Variants in TBC1D22A observed in about 807,000 individuals in gnomAD.
The protein encoded by TBC1D22A is TBC1 domain family member 22A, also known as putative GTPase activator.
A neutral mutation model predicts 60.2 loss-of-function variants in TBC1D22A; 38 were observed. The ratio of observed to expected loss-of-function variants is 0.63; its 90% CI spans 0.49 to 0.83. The LOEUF is 0.83. Among genes scored for constraint, TBC1D22A ranks in the 40% least tolerant of loss-of-function variants. TBC1D22A has a pLI of 0.00. For missense variants in TBC1D22A, 628 were observed against 701.0 expected (o/e 0.90, Z 1.18); for synonymous variants, 302 against 281.7 (o/e 1.07, Z -0.72).
At chr22:46,946,916 G>A (rs998167881) in intron 8 of TBC1D22A, among the ~76,000 whole-genome samples, 3 of 152,194 alleles carry the variant, frequency 2.0e-5, no homozygotes, top group African/African-American at 4.8e-5. Context: ...GTTTTAGGGA[G>A]AGATTTAAGC....
chr22:46,826,688 C>T (rs76028411), intron 4 of TBC1D22A, among the ~76,000 whole-genome samples: 2,531 of 152,132 alleles, frequency 0.017, 68 homozygotes, highest in African/African-American at 0.058. Flanking sequence ...GAGACTGTCC[C>T]GGAGCTTGCT....
intron 7 of TBC1D22A, among the ~76,000 whole-genome samples, chr22:46,897,807 T>C (rs2068767358): frequency 6.6e-6 from 1 of 152,170 alleles, no homozygotes; most frequent in Admixed American, 6.5e-5. Context: ...TCTTTAAAGC[T>C]GAAATTTTTA....
intron 4 of TBC1D22A, among the ~76,000 whole-genome samples, chr22:46,801,468 G>A (rs1486673581): frequency 6.6e-6 from 1 of 152,240 alleles, no homozygotes; most frequent in Non-Finnish European, 1.5e-5. Context: ...TTATGAGCCT[G>A]GGGATGAAAG....
intron 11 of TBC1D22A, among the ~76,000 whole-genome samples, chr22:47,057,055 A>G (rs1211434778): frequency 6.6e-6 from 1 of 152,068 alleles, no homozygotes; most frequent in Non-Finnish European, 1.5e-5. Flanking sequence ...CAGGTGCCTG[A>G]CCCTGCCTTA....
intron 7 of TBC1D22A, among the ~76,000 whole-genome samples, chr22:46,910,727 A>G (rs2147774814): frequency 6.6e-6 from 1 of 152,196 alleles, no homozygotes; most frequent in South Asian, 2.1e-4. Flanking sequence ...CAGAGTCTTC[A>G]CGGAGGGAGT....
At chr22:46,914,030 ACACACATG>A (rs1393655005) in intron 8 of TBC1D22A, 1 of 153,094 alleles carries the variant, frequency 6.5e-6, no homozygotes, top group Non-Finnish European at 1.5e-5. Flanking sequence ...GCACATGCAC[ACACACATG>A]CACACATCAG....
chr22:46,763,553 G>A (rs1049525628), intron 1 of TBC1D22A, among the ~76,000 whole-genome samples: 1 of 151,892 alleles, frequency 6.6e-6, no homozygotes, highest in African/African-American at 2.4e-5. Flanking sequence ...TACGTGGAGG[G>A]TACCTAGGAT....
At chr22:46,997,784 C>A in intron 10 of TBC1D22A, 75 bp downstream of exon 10, 1 of 1,386,378 alleles carries the variant, frequency 7.2e-7, no homozygotes, top group Non-Finnish European at 1.0e-6. Flanking sequence ...GGACAGGGAG[C>A]TGTCCTCATC....
chr22:46,881,905 A>C (rs967750129), intron 5 of TBC1D22A, among the ~76,000 whole-genome samples: 19 of 152,148 alleles, frequency 1.2e-4, no homozygotes, highest in African/African-American at 4.6e-4. Context: ...GTAAGAGGAG[A>C]GATCTGGGAG....
intron 12 of TBC1D22A, among the ~76,000 whole-genome samples, chr22:47,121,083 G>T (rs1331139478): frequency 6.6e-6 from 1 of 152,198 alleles, no homozygotes; most frequent in African/African-American, 2.4e-5. Flanking sequence ...ATAGAAAATG[G>T]ATGAGGACAA....
chr22:46,797,511 G>C lies in TBC1D22A; in HGVS notation c.528G>C (p.Leu176=), dbSNP rs1268615894. The C allele has an allele frequency of 6.2e-7, 1 of 1,614,068 alleles. No individual in the cohort carries two copies. Among genetic ancestry groups the C allele is most frequent in the South Asian group, 1.1e-5 (1 of 91,078 alleles). ...TCCCACACTCGGCCACCGTCACGCT[G>C]GGTGGCACATCTGACCCCAGCACTC... ...QSLPHSATVT[L]GGTSDPSTLS... is the part of the protein sequence containing the mutation. The change falls in exon 4 of 13, where the codon CTG becomes CTC. Residue 176 remains leucine, a synonymous_variant. Coordinates refer to ENST00000337137, the MANE Select transcript of TBC1D22A (RefSeq NM_014346.5).
intron 12 of TBC1D22A, among the ~76,000 whole-genome samples, chr22:47,128,015 CA>C (rs2066533444): frequency 1.1e-5 from 1 of 93,048 alleles, no homozygotes; most frequent in African/African-American, 4.4e-5. Context: ...CCCATCCCCC[CA>C]TCCTCCCTCC....
At chr22:47,165,650 G>A (rs1035065382) in intron 12 of TBC1D22A, among the ~76,000 whole-genome samples, 1 of 152,130 alleles carries the variant, frequency 6.6e-6, no homozygotes, top group African/African-American at 2.4e-5. Context: ...ATGCCTCCTG[G>A]GACAAGTTGC....
intron 8 of TBC1D22A, among the ~76,000 whole-genome samples, chr22:46,960,954 C>CA (rs397868006): frequency 0.056 from 2,623 of 46,894 alleles, 124 homozygotes; most frequent in African/African-American, 0.12. Flanking sequence ...GACACCATCT[C>CA]AAAAAAAAAA....
At chr22:47,058,748 G>T (rs978296067) in intron 11 of TBC1D22A, among the ~76,000 whole-genome samples, 1 of 152,152 alleles carries the variant, frequency 6.6e-6, no homozygotes, top group Non-Finnish European at 1.5e-5. Context: ...CCTTGGTGGG[G>T]TTGGTCCGTA....
chr22:46,938,086 C>G (rs1602560583), intron 8 of TBC1D22A, among the ~76,000 whole-genome samples: 1 of 152,138 alleles, frequency 6.6e-6, no homozygotes, highest in Non-Finnish European at 1.5e-5. Flanking sequence ...CGTGAAGTCT[C>G]CAGCTGTGCA....
intron 11 of TBC1D22A, among the ~76,000 whole-genome samples, chr22:47,105,835 C>T (rs1031849841): frequency 2.0e-5 from 3 of 151,832 alleles, no homozygotes; most frequent in African/African-American, 7.3e-5. Flanking sequence ...GGAGAAGTCA[C>T]TGAAGTACAA....
At chr22:47,072,630 C>T (rs989653025) in intron 11 of TBC1D22A, among the ~76,000 whole-genome samples, 1 of 152,260 alleles carries the variant, frequency 6.6e-6, no homozygotes, top group Non-Finnish European at 1.5e-5. Context: ...CCTGGCTCTA[C>T]ATCCCACACC....
At chr22:46,977,408 A>T (rs1475926192) in intron 9 of TBC1D22A, among the ~76,000 whole-genome samples, 2 of 152,154 alleles carry the variant, frequency 1.3e-5, no homozygotes, top group Non-Finnish European at 2.9e-5. Context: ...GGGGTGAGTC[A>T]GCATCACCCC....
Sources: allele counts gnomAD v4.1 joint callset (sites outside exome capture counted in the v4.1 genomes callset), GRCh38; gene constraint gnomAD v4.1.1; transcripts MANE v1.5; gene names NCBI Gene and HGNC (gene_info 2026-07-23, HGNC 2026-07-21).